Variants in ZNF407 observed in about 807,000 individuals in gnomAD.
The protein encoded by ZNF407 is zinc finger protein 407.
In ZNF407, 17 loss-of-function variants were observed where a neutral mutation model predicts 131.2. The ratio of observed to expected loss-of-function variants is 0.13; its 90% CI spans 0.09 to 0.19. The LOEUF is 0.19. Among genes scored for constraint, ZNF407 ranks in the 10% least tolerant of loss-of-function variants. ZNF407 has a pLI of 1.00. For synonymous variants in ZNF407, 1,156 were observed against 1,062.0 expected (o/e 1.09, Z -1.72); for missense variants, 2,681 against 2,830.6 (o/e 0.95, Z 1.20).
At chr18:74,959,775 T>C (rs76708249) in intron 8 of ZNF407, among the ~76,000 whole-genome samples, 2,347 of 152,302 alleles carry the variant, frequency 0.015, 66 homozygotes, top group African/African-American at 0.052. Flanking sequence ...GTGAAACGTA[T>C]AAAGGTTGAA....
intron 4 of ZNF407, chr18:74,803,939 CA>C: frequency 6.5e-7 from 1 of 1,549,350 alleles, no homozygotes; most frequent in Non-Finnish European, 8.7e-7. Flanking sequence ...AGCAATTTAA[CA>C]AACTTGATTG....
intron 1 of ZNF407, among the ~76,000 whole-genome samples, chr18:74,621,226 T>G (rs1003513545): frequency 2.6e-4 from 40 of 152,284 alleles, no homozygotes; most frequent in South Asian, 1.5e-3. Flanking sequence ...ATTTGTAAAA[T>G]GGGGTATTCA....
At position 74,635,576 on chromosome 18, in the gene ZNF407, T is replaced by C; in HGVS notation, c.4557T>C (p.Tyr1519=). The change falls in exon 2 of 9, where the codon TAT becomes TAC. Residue 1519 remains tyrosine (Y), a synonymous_variant. Transcript: ENST00000299687. The surrounding 1 kb of genome is among the most constrained non-coding windows in gnomAD (Gnocchi z 4.7). The stretch of plus-strand genomic sequence containing the variant: ...AATTGCTGCGGGAGGTGAATAAGTA[T>C]ATAGTGGAAGACACTGAGCAAATCA... The part of the protein sequence containing the change: ...HEELLREVNK[Y]IVEDTEQINR... 1 of 1,613,944 alleles carries C rather than the reference T, an allele frequency of 6.2e-7. No homozygotes were observed. Among genetic ancestry groups the C allele is most frequent in the South Asian group, 1.1e-5 (1 of 91,080 alleles).
intron 3 of ZNF407, among the ~76,000 whole-genome samples, chr18:74,693,546 A>G (rs779348761): frequency 3.3e-5 from 5 of 151,996 alleles, no homozygotes; most frequent in African/African-American, 4.8e-5. Context: ...GAGAATTTGT[A>G]TTTTCCTTAA....
At chr18:74,754,714 C>G (rs1968887428) in intron 3 of ZNF407, among the ~76,000 whole-genome samples, 1 of 152,148 alleles carries the variant, frequency 6.6e-6, no homozygotes. Context: ...GTCTGAGAGA[C>G]AGTTTGTTAT....
chr18:74,847,171 G>A (rs1240092320), intron 4 of ZNF407, among the ~76,000 whole-genome samples: 1 of 152,048 alleles, frequency 6.6e-6, no homozygotes, highest in Non-Finnish European at 1.5e-5. Context: ...GCTTTAGTAA[G>A]AATAAATAAG....
At chr18:74,786,767 T>A (rs1969721831) in intron 4 of ZNF407, among the ~76,000 whole-genome samples, 2 of 150,348 alleles carry the variant, frequency 1.3e-5, no homozygotes, top group South Asian at 4.2e-4. Context: ...GACCTGGTTT[T>A]AATTGGTTTT....
At chr18:74,676,950 C>T (rs893384090) in intron 3 of ZNF407, among the ~76,000 whole-genome samples, 3 of 152,166 alleles carry the variant, frequency 2.0e-5, no homozygotes, top group African/African-American at 7.2e-5. Flanking sequence ...GGCCACTGCC[C>T]CCGTCTTCCC....
At chr18:74,781,206 T>A (rs1026390961) in intron 3 of ZNF407, among the ~76,000 whole-genome samples, 2 of 152,186 alleles carry the variant, frequency 1.3e-5, no homozygotes, top group Non-Finnish European at 2.9e-5. Flanking sequence ...TCACTGTTAG[T>A]GTATCCAAGT....
At chr18:74,818,636 C>A (rs2145098242) in intron 4 of ZNF407, among the ~76,000 whole-genome samples, 1 of 152,284 alleles carries the variant, frequency 6.6e-6, no homozygotes, top group South Asian at 2.1e-4. Flanking sequence ...TGCATTCTTA[C>A]ACTTTTTTAA....
At chr18:74,766,035 GTGTGTGTGTGTGTGTGTGTGTC>G (rs1190156643) in intron 3 of ZNF407, among the ~76,000 whole-genome samples, 2 of 147,432 alleles carry the variant, frequency 1.4e-5, no homozygotes, top group East Asian at 4.3e-4. Flanking sequence ...GTGTGTGTGT[GTGTGTGTGTGTGTGTGTGTGTC>G]TGTGTCTGTG....
intron 3 of ZNF407, among the ~76,000 whole-genome samples, chr18:74,762,868 C>CT (rs1051655362): frequency 6.6e-6 from 1 of 151,908 alleles, no homozygotes; most frequent in African/African-American, 2.4e-5. Flanking sequence ...AATTATTTCT[C>CT]TTTTTTGGAT....
chr18:74,907,323 C>A (rs901637503), intron 7 of ZNF407, among the ~76,000 whole-genome samples: 1 of 152,160 alleles, frequency 6.6e-6, no homozygotes, highest in Non-Finnish European at 1.5e-5. Context: ...TGGAGCAACA[C>A]GCAAGGATTT....
chr18:74,647,455 T>C (rs1422818389), intron 3 of ZNF407, among the ~76,000 whole-genome samples: 2 of 151,974 alleles, frequency 1.3e-5, no homozygotes, highest in Non-Finnish European at 2.9e-5. Flanking sequence ...AAAAAAAAAA[T>C]CTTCTTGTAG....
At chr18:74,716,761 A>G (rs1967903349) in intron 3 of ZNF407, among the ~76,000 whole-genome samples, 1 of 152,214 alleles carries the variant, frequency 6.6e-6, no homozygotes, top group Non-Finnish European at 1.5e-5. Flanking sequence ...ACATAAAGAA[A>G]GCAATGTATC....
intron 1 of ZNF407, among the ~76,000 whole-genome samples, chr18:74,615,932 C>T (rs946657988): frequency 2.8e-4 from 42 of 151,950 alleles, no homozygotes; most frequent in Non-Finnish European, 3.8e-4. Context: ...GGCATGATCT[C>T]GGCTCACTGC....
intron 8 of ZNF407, among the ~76,000 whole-genome samples, chr18:74,929,518 A>G (rs973491794): frequency 2.0e-5 from 3 of 152,202 alleles, no homozygotes; most frequent in Admixed American, 6.5e-5. Flanking sequence ...TTATCAGGTA[A>G]TTGATGTGGT....
rs909073839 is a variant in ZNF407, at chr18:74,700,231, A to G, written c.4802+59109A>G. Among the ~76,000 whole-genome samples, 2 of 152,194 alleles carry G rather than the reference A, an allele frequency of 1.3e-5. 1 individual carries two copies. The highest frequency in any genetic ancestry group is 1.3e-4 in the Admixed American group (2 of 15,282). On this transcript the variant is annotated intron_variant, in intron 3 of 8. Transcript: ENST00000299687. ...GCAGAGGGAGGGTCCATGTGAAGTA[A>G]GTTTTAAAATACATTAGTATACCTA...
intron 3 of ZNF407, among the ~76,000 whole-genome samples, chr18:74,688,605 A>G (rs1417757627): frequency 6.6e-6 from 1 of 152,222 alleles, no homozygotes; most frequent in Non-Finnish European, 1.5e-5. Flanking sequence ...GTCAAATTCA[A>G]GATCTCATAG....
Sources: gnomAD v4.1 joint callset for allele counts (sites outside exome capture counted in the v4.1 genomes callset) on GRCh38, gnomAD v4.1.1 for gene constraint, Gnocchi (gnomAD v3.1) non-coding constraint, MANE v1.5 for transcripts, NCBI Gene and HGNC (gene_info 2026-07-23, HGNC 2026-07-21) for gene names.